RAB1A: variants seen among roughly 807,000 people sequenced by gnomAD.
RAB1A encodes ras-related protein Rab-1A.
RAB1A carries 2 observed loss-of-function variants against 26.0 expected under a neutral mutation model. The observed-to-expected ratio is 0.08, with a 90% CI of 0.03 to 0.24. The LOEUF is 0.24. Among genes scored for constraint, RAB1A ranks in the 10% least tolerant of loss-of-function variants. RAB1A has a pLI of 1.00. For synonymous variants in RAB1A, 84 were observed against 84.9 expected (o/e 0.99, Z 0.06); for missense variants, 100 against 247.0 (o/e 0.40, Z 3.99).
chr2:65,119,274 G>A (rs893705524), intron 1 of RAB1A, among the ~76,000 whole-genome samples: 1 of 151,896 alleles, frequency 6.6e-6, no homozygotes. Context: ...GGGAGGCCAA[G>A]GCAGGCAGAT....
intron 3 of RAB1A, among the ~76,000 whole-genome samples, chr2:65,096,058 C>G (rs1669275691): frequency 6.6e-6 from 1 of 151,988 alleles, no homozygotes; most frequent in Non-Finnish European, 1.5e-5. Context: ...GAGGCTGAGG[C>G]AAGAGAACTG....
intron 1 of RAB1A, among the ~76,000 whole-genome samples, chr2:65,112,961 C>T (rs1377750000): frequency 6.6e-6 from 1 of 152,098 alleles, no homozygotes; most frequent in Non-Finnish European, 1.5e-5. Flanking sequence ...TTAATTCCAG[C>T]ACTTTGGGAG....
At chr2:65,114,548 A>AACAGTTTC (rs1669778249) in intron 1 of RAB1A, among the ~76,000 whole-genome samples, 1 of 152,158 alleles carries the variant, frequency 6.6e-6, no homozygotes, top group South Asian at 2.1e-4. Flanking sequence ...TCCCCAATAC[A>AACAGTTTC]ACAGTTTAAG....
At chr2:65,123,634 T>C (rs533027781) in intron 1 of RAB1A, among the ~76,000 whole-genome samples, 2 of 152,120 alleles carry the variant, frequency 1.3e-5, no homozygotes, top group East Asian at 1.9e-4. Flanking sequence ...GAGGCCAGCC[T>C]GGCCAACATA....
chr2:65,128,333 G>A (rs1459197956), intron 1 of RAB1A, among the ~76,000 whole-genome samples: 5 of 152,014 alleles, frequency 3.3e-5, no homozygotes, highest in Non-Finnish European at 7.4e-5. Context: ...CTGAACAGTA[G>A]AGGTCTATAA....
At position 65,114,559 on chromosome 2, in the gene RAB1A, G is replaced by C. The variant is rs566501414; in HGVS notation, c.24-9753C>G. Among the ~76,000 whole-genome samples the C allele has an allele frequency of 3.9e-5, 6 of 152,288 alleles. No individual in the cohort carries two copies. The South Asian group carries it at 6.2e-4, about 16-fold the overall frequency. On this transcript the variant is annotated intron_variant, in intron 1 of 5. Transcript: ENST00000409784. ...TTAATCCCCAATACAACAGTTTAAG[G>C]GGGGCCGGGCGCGGTGGCTCACGCC...
At chr2:65,116,288 T>C (rs1278701879) in intron 1 of RAB1A, among the ~76,000 whole-genome samples, 3 of 152,172 alleles carry the variant, frequency 2.0e-5, no homozygotes, top group South Asian at 2.1e-4. Context: ...TTAATATGCA[T>C]ACAAGTATTT....
chr2:65,090,822 T>A lies in RAB1A; in HGVS notation c.288+161A>T, dbSNP rs532872069. Among the ~76,000 whole-genome samples the A allele has an allele frequency of 3.0e-4, 45 of 152,360 alleles. No homozygotes were observed. The South Asian group carries it at 8.9e-3, about 30-fold the overall frequency. On this transcript the variant is annotated intron_variant, in intron 4 of 5. Coordinates refer to ENST00000409784, the MANE Select transcript of RAB1A (RefSeq NM_004161.5). ...CTTTTATTTATTACAGGAAAACAAA[T>A]GTCTTTTAAGTGATTCACATTTATA...
intron 1 of RAB1A, among the ~76,000 whole-genome samples, chr2:65,124,808 T>C (rs536448918): frequency 6.6e-6 from 1 of 152,288 alleles, no homozygotes; most frequent in South Asian, 2.1e-4. Context: ...CACAAAATTC[T>C]CAATATATAT....
intron 1 of RAB1A, among the ~76,000 whole-genome samples, chr2:65,125,507 C>G (rs1317983380): frequency 6.7e-6 from 1 of 150,236 alleles, no homozygotes; most frequent in African/African-American, 2.5e-5. Context: ...CTGCAGCCTC[C>G]GCCTCCCAGG....
At chr2:65,099,950 G>C (rs1181080743) in intron 2 of RAB1A, among the ~76,000 whole-genome samples, 13 of 152,142 alleles carry the variant, frequency 8.5e-5, no homozygotes, top group Non-Finnish European at 1.9e-4. Flanking sequence ...TACAGGACAA[G>C]TGCTTCAGTT....
intron 3 of RAB1A, 41 bp from the exon 4 acceptor site, chr2:65,091,119 A>C (rs1406884157): frequency 2.0e-6 from 3 of 1,517,724 alleles, no homozygotes; most frequent in Non-Finnish European, 2.7e-6. Flanking sequence ...ATTCCATTAA[A>C]ATAAAGTTGG....
intron 1 of RAB1A, among the ~76,000 whole-genome samples, chr2:65,111,408 C>T (rs1196578030): frequency 6.6e-6 from 1 of 151,416 alleles, no homozygotes; most frequent in Admixed American, 6.6e-5. Context: ...TGACAGACAA[C>T]TGACGGACAT....
At chr2:65,101,742 C>CTTTTTTTTTTTT (rs71401771) in intron 2 of RAB1A, among the ~76,000 whole-genome samples, 1 of 70,682 alleles carries the variant, frequency 1.4e-5, no homozygotes, top group Non-Finnish European at 2.4e-5. Context: ...GTATTACTTC[C>CTTTTTTTTTTTT]TTTTTTTTTT....
At chr2:65,093,373 A>C (rs1317707334) in intron 3 of RAB1A, among the ~76,000 whole-genome samples, 1 of 152,204 alleles carries the variant, frequency 6.6e-6, no homozygotes, top group Non-Finnish European at 1.5e-5. Flanking sequence ...TGAATGAACA[A>C]TCACAGAAAG....
At chr2:65,090,476 C>T (rs1454209218) in intron 4 of RAB1A, among the ~76,000 whole-genome samples, 1 of 152,190 alleles carries the variant, frequency 6.6e-6, no homozygotes, top group Non-Finnish European at 1.5e-5. Context: ...CCCTCTCTCA[C>T]AGCTAATCTT....
intron 1 of RAB1A, among the ~76,000 whole-genome samples, chr2:65,120,015 C>T (rs1558587241): frequency 7.4e-6 from 1 of 134,402 alleles, no homozygotes; most frequent in Non-Finnish European, 1.7e-5. Flanking sequence ...TGCTAACCAC[C>T]AATCTACACA....
In RAB1A at chr2:65,129,898, G is replaced by A. The variant is rs751099183; in HGVS notation, c.18C>T (p.Pro6=). The A allele has an allele frequency of 5.4e-5, 87 of 1,596,432 alleles. No homozygotes were observed. Among genetic ancestry groups the A allele is most frequent in the Non-Finnish European group, 7.2e-5 (85 of 1,172,648 alleles). The change falls in exon 1 of 6, where the codon CCC becomes CCT. Residue 6 remains proline, a synonymous_variant. Transcript: ENST00000409784. ...CGGTGCTCTCCTGAACTCACTATTC[G>A]GGATTCATGCTGGACATGTCACTGC... MSSMN[P]EYDYLFKLLL...
intron 1 of RAB1A, among the ~76,000 whole-genome samples, chr2:65,126,251 T>C (rs1285753866): frequency 1.3e-5 from 2 of 151,512 alleles, no homozygotes; most frequent in Non-Finnish European, 1.5e-5. Context: ...GAGGCAGAGA[T>C]TGCAGTGAGC....
Sources: allele counts gnomAD v4.1 joint callset (sites outside exome capture counted in the v4.1 genomes callset), GRCh38; gene constraint gnomAD v4.1.1; transcripts MANE v1.5; gene names NCBI Gene and HGNC (gene_info 2026-07-23, HGNC 2026-07-21).